The following LRCH2 variants were observed in gnomAD, a reference collection of about 807,000 sequenced individuals.
LRCH2 encodes leucine rich repeats and calponin homology domain containing 2.
In LRCH2, 38 loss-of-function variants were observed where a neutral mutation model predicts 68.9. That is an observed-to-expected ratio of 0.55 (90% confidence interval 0.43 to 0.72). LRCH2 has a LOEUF of 0.72. Among genes scored for constraint, LRCH2 ranks in the 30% least tolerant of loss-of-function variants. The pLI is 0.00. For synonymous variants in LRCH2, 191 were observed against 208.1 expected (o/e 0.92, Z 0.71); for missense variants, 528 against 572.9 (o/e 0.92, Z 0.80).
At chrX:115,185,634 G>C (rs1251522479) in intron 2 of LRCH2, among the ~76,000 whole-genome samples, 1 of 108,392 alleles carries the variant, frequency 9.2e-6, no homozygotes, top group Admixed American at 9.9e-5. Flanking sequence ...GGACTTGAAA[G>C]ACCCTCCTCC....
At chrX:115,185,568 A>G (rs2072725274) in intron 2 of LRCH2, among the ~76,000 whole-genome samples, 1 of 111,900 alleles carries the variant, frequency 8.9e-6, no homozygotes, top group South Asian at 3.7e-4. Context: ...TTATAGACCT[A>G]TACCTAGCAT....
intron 1 of LRCH2, among the ~76,000 whole-genome samples, chrX:115,205,492 C>T (rs1556567642): frequency 9.0e-6 from 1 of 111,652 alleles, no homozygotes; most frequent in African/African-American, 3.3e-5. Context: ...ATCAAGTGTA[C>T]CATATATTGG....
chrX:115,174,504 T>C (rs1000193794), intron 5 of LRCH2, among the ~76,000 whole-genome samples: 2 of 109,439 alleles, frequency 1.8e-5, no homozygotes, highest in Non-Finnish European at 3.8e-5. Context: ...ATTAGTATAA[T>C]GTCCTTAAGT....
chrX:115,126,088 A>G (rs2072198254), intron 16 of LRCH2, among the ~76,000 whole-genome samples: 1 of 111,646 alleles, frequency 9.0e-6, no homozygotes, highest in Non-Finnish European at 1.9e-5. Flanking sequence ...CACTTTGAGC[A>G]AAGTGTTGAA....
At chrX:115,156,922 C>A (rs1464537385) in intron 11 of LRCH2, among the ~76,000 whole-genome samples, 1 of 111,315 alleles carries the variant, frequency 9.0e-6, no homozygotes, top group Non-Finnish European at 1.9e-5. Context: ...GCTATTATTG[C>A]CCTTTGCATA....
At chrX:115,113,816 C>G (rs1479914486) in intron 20 of LRCH2, among the ~76,000 whole-genome samples, 1 of 111,499 alleles carries the variant, frequency 9.0e-6, no homozygotes, top group African/African-American at 3.3e-5. Context: ...TTGTGTGACA[C>G]CATTCTTTTC....
intron 10 of LRCH2, 91 bp downstream of exon 10, chrX:115,165,314 T>A (rs1556543996): frequency 3.2e-6 from 2 of 631,960 alleles, no homozygotes; most frequent in African/African-American, 2.3e-5. Context: ...GAACAAAAAA[T>A]TATATTTTTT....
chrX:115,175,176 C>T (rs1001638867), intron 5 of LRCH2, among the ~76,000 whole-genome samples: 12 of 111,793 alleles, frequency 1.1e-4, no homozygotes, highest in Admixed American at 1.9e-4. Context: ...GAAAATGATA[C>T]CCCAAAATGA....
chrX:115,184,959 T>G (rs1001473422), intron 2 of LRCH2, among the ~76,000 whole-genome samples: 2 of 111,846 alleles, frequency 1.8e-5, no homozygotes, highest in Non-Finnish European at 3.8e-5. Context: ...TCTGGTATAT[T>G]CAATACTTCC....
Position 115,166,096 on chromosome X carries a change from T to A in LRCH2, c.1087-144A>T, listed in dbSNP as rs782320808. ...CCAAAATTAACATAAGGTTTACTGC[T>A]CAGCTTTAAAAATCAGCATGCCCTT... On this transcript the variant is annotated intron_variant, in intron 7 of 20. Transcript: ENST00000317135. The A allele has an allele frequency of 2.5e-4, 157 of 625,069 alleles. 1 individual carries two copies. In the South Asian group the frequency reaches 3.2e-3, roughly 13 times the overall value. 51.5% of individuals were successfully genotyped at this position (625,069 alleles called of 1,213,427 possible). A position where few individuals can be genotyped will look rare whatever the true frequency, so the allele number is the denominator to read the frequency against.
At chrX:115,139,519 TG>T (rs1556533333) in intron 14 of LRCH2, among the ~76,000 whole-genome samples, 1 of 112,085 alleles carries the variant, frequency 8.9e-6, no homozygotes, top group Non-Finnish European at 1.9e-5. Flanking sequence ...CGGTGGCTCA[TG>T]CCTGTAATCT....
rs2147328805 is a variant in LRCH2, at chrX:115,190,972, G to A, written c.350-2602C>T. ...CCGCTACGGAGTAGGAGGCCACTAT[G>A]AGGAGAACCGAGGCCACTCTCTGGA... On this transcript the variant is annotated intron_variant, in intron 1 of 20. Coordinates refer to ENST00000317135, the MANE Select transcript of LRCH2 (RefSeq NM_020871.4). 6 of 1,163,922 alleles carry A rather than the reference G, an allele frequency of 5.2e-6. No homozygotes were observed. In the East Asian group the frequency reaches 1.3e-4, roughly 25 times the overall value.
At chrX:115,199,625 CA>C (rs782816749) in intron 1 of LRCH2, among the ~76,000 whole-genome samples, 4 of 111,747 alleles carry the variant, frequency 3.6e-5, no homozygotes, top group African/African-American at 6.5e-5. Context: ...TATATGCACC[CA>C]ACACTGGAGC....
intron 5 of LRCH2, among the ~76,000 whole-genome samples, chrX:115,172,788 C>T (rs1414918948): frequency 1.1e-5 from 1 of 90,742 alleles, no homozygotes; most frequent in Non-Finnish European, 2.1e-5. Flanking sequence ...AACTCCTGTA[C>T]TCCAAACTAC....
chrX:115,211,262 C>G (rs1556569938), intron 1 of LRCH2, among the ~76,000 whole-genome samples: 1 of 111,315 alleles, frequency 9.0e-6, no homozygotes, highest in Non-Finnish European at 1.9e-5. Flanking sequence ...ATAATTGAAT[C>G]ATAGGGGCAG....
At chrX:115,223,350 T>C (rs1319051301) in intron 1 of LRCH2, among the ~76,000 whole-genome samples, 5 of 111,463 alleles carry the variant, frequency 4.5e-5, no homozygotes, top group African/African-American at 1.6e-4. Context: ...GTGATATCAG[T>C]ATGTTTTAAT....
At position 115,211,481 on chromosome X, in the gene LRCH2, G is replaced by A. The variant is rs782780245; in HGVS notation, c.349+22212C>T. On this transcript the variant is annotated intron_variant, in intron 1 of 20. Coordinates refer to ENST00000317135, the MANE Select transcript of LRCH2 (RefSeq NM_020871.4). ...TTTCTTTTGTAAATTGCCCAGTCTC[G>A]GGTATGTCTTTATCAGCAGCGTGAA... 4.5e-5 allele frequency among the ~76,000 whole-genome samples: 5 copies of A among 111,576 alleles called. No homozygotes were observed. In the South Asian group the frequency reaches 1.1e-3, roughly 26 times the overall value.
chrX:115,221,192 AAAAAAAAAAAAAAAAAAAATATAT>A (rs1226983872), intron 1 of LRCH2, among the ~76,000 whole-genome samples: 53 of 66,271 alleles, frequency 8.0e-4, no homozygotes, highest in South Asian at 1.8e-3. Flanking sequence ...AAAAAAAAAA[AAAAAAAAAAAAAAAAAAAATATAT>A]ATATATATAT....
chrX:115,192,731 T>A, intron 1 of LRCH2: 2 of 931,306 alleles, frequency 2.1e-6, no homozygotes. Context: ...AGGACTAGTA[T>A]AAGTAGGAGT....
Sources: allele counts gnomAD v4.1 joint callset (sites outside exome capture counted in the v4.1 genomes callset), GRCh38; gene constraint gnomAD v4.1.1; transcripts MANE v1.5; gene names NCBI Gene and HGNC (gene_info 2026-07-23, HGNC 2026-07-21).